PRRC2B: variants seen among roughly 807,000 people sequenced by gnomAD.
PRRC2B encodes the protein protein PRRC2B.
A neutral mutation model predicts 242.3 loss-of-function variants in PRRC2B; 68 were observed. The observed-to-expected ratio is 0.28, with a 90% CI of 0.23 to 0.34. The LOEUF (loss-of-function observed/expected upper bound fraction) is 0.34. Ranked by LOEUF, PRRC2B falls within the 10% of genes least tolerant of loss-of-function variation. The probability of loss-of-function intolerance (pLI) is 1.00; values close to 1 mark genes in which losing one functional copy is unlikely to be tolerated. For synonymous variants in PRRC2B, 1,228 were observed against 1,173.6 expected (o/e 1.05, Z -0.95); for missense variants, 2,835 against 2,954.8 (o/e 0.96, Z 0.94).
intron 5 of PRRC2B, among the ~76,000 whole-genome samples, chr9:131,441,278 G>A (rs1341685492): frequency 6.6e-6 from 1 of 152,216 alleles, no homozygotes; most frequent in African/African-American, 2.4e-5. Context: ...AATGGGCATA[G>A]GGGTGAGAGG....
intron 10 of PRRC2B, 100 bp from the exon 11 acceptor site, chr9:131,459,064 T>A: frequency 9.7e-7 from 1 of 1,030,318 alleles, no homozygotes; most frequent in Non-Finnish European, 1.5e-6. Context: ...AGAAAATGAT[T>A]TGGACAGCTG....
chr9:131,473,614 C>T lies in PRRC2B; in HGVS notation c.2214C>T (p.Ile738=), dbSNP rs763907169. Residue 738 remains isoleucine (I), a synonymous_variant, in exon 15 of 32, where the codon ATC becomes ATT. Transcript: ENST00000683519. ...PPLQERKVTP[I]DSPPVWSPEG... ...TCCAAGAAAGAAAAGTGACCCCCAT[C>T]GACTCACCCCCTGTGTGGAGCCCAG... 1.2e-5 allele frequency: 20 copies of T among 1,613,330 alleles called. 1 individual carries two copies. The Admixed American group carries it at 1.5e-4, about 12-fold the overall frequency.
intron 11 of PRRC2B, among the ~76,000 whole-genome samples, chr9:131,460,033 G>T (rs1943198943): frequency 6.8e-6 from 1 of 146,660 alleles, no homozygotes; most frequent in South Asian, 2.2e-4. Flanking sequence ...TGATAGAAAA[G>T]TTGGAAGTAC....
chr9:131,379,196 G>A (rs1453136191), intron 1 of PRRC2B, among the ~76,000 whole-genome samples: 1 of 152,128 alleles, frequency 6.6e-6, no homozygotes, highest in Non-Finnish European at 1.5e-5. Context: ...TTCATCAGCT[G>A]ATGGAATTTG....
At chr9:131,485,976 C>T in intron 25 of PRRC2B, 109 bp from the exon 26 acceptor site, 2 of 798,582 alleles carry the variant, frequency 2.5e-6, no homozygotes, top group Non-Finnish European at 4.3e-6. Flanking sequence ...GCCCTCGTCC[C>T]CACTGAGTCC....
intron 3 of PRRC2B, among the ~76,000 whole-genome samples, chr9:131,434,734 AG>A (rs1259169529): frequency 6.6e-6 from 1 of 152,144 alleles, no homozygotes; most frequent in Non-Finnish European, 1.5e-5. Context: ...AGTTCCCACC[AG>A]GGGGGTGGCT....
chr9:131,378,396 G>C (rs544099538), intron 1 of PRRC2B, among the ~76,000 whole-genome samples: 30 of 151,590 alleles, frequency 2.0e-4, no homozygotes, highest in African/African-American at 7.3e-4. Flanking sequence ...TAGCCTCCCA[G>C]AGGAGGACCA....
chr9:131,436,629 G>T lies in PRRC2B; in HGVS notation c.303G>T (p.Ala101=). 1.2e-6 allele frequency: 2 copies of T among 1,613,642 alleles called. No individual in the cohort carries two copies. Among genetic ancestry groups the T allele is most frequent in the Non-Finnish European group, 1.7e-6 (2 of 1,179,724 alleles). ...QDQQDPKSSS[A]TASQPPESLP... Reference sequence around the variant, plus strand: ...CCCTGCCTTTGTCTAGTTCCAGTGCGACGGCCTCTCAGCCGCCGGAGTCGC... The same window carrying T: ...CCCTGCCTTTGTCTAGTTCCAGTGCTACGGCCTCTCAGCCGCCGGAGTCGC... The change falls in exon 4 of 32, where the codon GCG becomes GCT. Residue 101 remains alanine (A), a synonymous_variant. Coordinates refer to ENST00000683519, the MANE Select transcript of PRRC2B (RefSeq NM_013318.4).
intron 9 of PRRC2B, among the ~76,000 whole-genome samples, chr9:131,449,653 C>A (rs1043569813): frequency 1.2e-4 from 19 of 152,088 alleles, no homozygotes; most frequent in African/African-American, 4.3e-4. Flanking sequence ...TCCTTTGCAA[C>A]TTTTATTTTG....
chr9:131,474,193 G>A (rs999165604), intron 15 of PRRC2B, among the ~76,000 whole-genome samples: 3 of 152,150 alleles, frequency 2.0e-5, no homozygotes, highest in Admixed American at 6.5e-5. Flanking sequence ...GGCCACGACA[G>A]TCTTCACTCT....
intron 1 of PRRC2B, among the ~76,000 whole-genome samples, chr9:131,408,484 T>G (rs1440719659): frequency 1.3e-5 from 2 of 152,200 alleles, no homozygotes; most frequent in Non-Finnish European, 2.9e-5. Flanking sequence ...GATCACTATG[T>G]GTATTTTTAT....
At chr9:131,485,195 A>G in intron 25 of PRRC2B, 55 bp downstream of exon 25, 1 of 1,408,784 alleles carries the variant, frequency 7.1e-7, no homozygotes, top group Non-Finnish European at 9.6e-7. Flanking sequence ...TTATCAAGAA[A>G]AACGGATTAA....
chr9:131,428,461 A>G (rs563867790), intron 1 of PRRC2B, among the ~76,000 whole-genome samples: 15 of 152,224 alleles, frequency 9.9e-5, no homozygotes, highest in Admixed American at 3.3e-4. Context: ...CAGTAGGGCA[A>G]TCTCAGCTCA....
At chr9:131,461,308 A>G (rs1943235502) in intron 11 of PRRC2B, among the ~76,000 whole-genome samples, 1 of 151,988 alleles carries the variant, frequency 6.6e-6, no homozygotes, top group Non-Finnish European at 1.5e-5. Flanking sequence ...CCCCTCATCT[A>G]GCTTGGGCTT....
At chr9:131,450,885 G>T (rs1213117788) in intron 9 of PRRC2B, among the ~76,000 whole-genome samples, 1 of 152,164 alleles carries the variant, frequency 6.6e-6, no homozygotes. Context: ...ACCATGTCCA[G>T]TCCTTAATTT....
intron 4 of PRRC2B, among the ~76,000 whole-genome samples, chr9:131,437,160 T>A (rs963652348): frequency 1.3e-5 from 2 of 152,196 alleles, no homozygotes; most frequent in Non-Finnish European, 2.9e-5. Flanking sequence ...CGAGCTCCTT[T>A]ACTGCGGTAC....
rs1246064711 is a variant in PRRC2B at position 131,447,808 on chromosome 9, G to A, written c.1120+4G>A. 14 of 1,610,444 alleles carry A rather than the reference G, an allele frequency of 8.7e-6. No individual in the cohort carries two copies. The highest frequency in any genetic ancestry group is 1.1e-5 in the South Asian group (1 of 90,884). ...GATGCCGATGATGGCTGGGCAGGTG[G>A]GCAGAGAAGCACGGGTGGTTTAGAC... On this transcript the variant is annotated splice_donor_region_variant and intron_variant, in intron 9 of 31. Coordinates refer to ENST00000683519, the MANE Select transcript of PRRC2B (RefSeq NM_013318.4).
At chr9:131,426,994 G>T (rs1169682180) in intron 1 of PRRC2B, among the ~76,000 whole-genome samples, 1 of 152,336 alleles carries the variant, frequency 6.6e-6, no homozygotes, top group South Asian at 2.1e-4. Flanking sequence ...CATGTGGGGC[G>T]GAGAGGAGAA....
chr9:131,478,878 A>G (rs1351584166), intron 18 of PRRC2B, among the ~76,000 whole-genome samples: 1 of 152,158 alleles, frequency 6.6e-6, no homozygotes, highest in East Asian at 1.9e-4. Flanking sequence ...CTCTAGGGTG[A>G]TAACAGTGGA....
Sources: gnomAD v4.1 joint callset for allele counts (sites outside exome capture counted in the v4.1 genomes callset) on GRCh38, gnomAD v4.1.1 for gene constraint, MANE v1.5 for transcripts, NCBI Gene and HGNC (gene_info 2026-07-23, HGNC 2026-07-21) for gene names.